Variants in DNAH17 observed in about 807,000 individuals in gnomAD.
DNAH17 encodes dynein axonemal heavy chain 17.
A neutral mutation model predicts 485.6 loss-of-function variants in DNAH17; 376 were observed. The ratio of observed to expected loss-of-function variants is 0.77; its 90% CI spans 0.71 to 0.84. The LOEUF (loss-of-function observed/expected upper bound fraction) is 0.84. Among genes scored for constraint, DNAH17 ranks in the 40% least tolerant of loss-of-function variants. The pLI is 0.00. For missense variants in DNAH17, 6,370 were observed against 5,839.3 expected (o/e 1.09, Z -2.96); for synonymous variants, 3,031 against 2,405.9 (o/e 1.26, Z -7.60).
rs551760264 is a variant in DNAH17 at position 78,466,582 on chromosome 17, A to G, written c.8940+73T>C. The G allele has an allele frequency of 5.0e-5, 71 of 1,429,054 alleles. 1 individual carries two copies. In the South Asian group the frequency reaches 8.0e-4, roughly 16 times the overall value. 88.5% of individuals were successfully genotyped at this position (1,429,054 alleles called of 1,614,324 possible). A position where few individuals can be genotyped will look rare whatever the true frequency, so the allele number is the denominator to read the frequency against. On this transcript the variant is annotated intron_variant, in intron 56 of 80. Transcript: ENST00000389840. ...CCTAATCCCAGCGCCCTTTTCTCCC[A>G]GGGAGCCAGCCCTTGGGCCTGTCCT...
chr17:78,561,660 G>A (rs886654679), intron 12 of DNAH17, 55 bp downstream of exon 12: 40 of 1,528,830 alleles, frequency 2.6e-5, no homozygotes, highest in Admixed American at 1.4e-4. Flanking sequence ...AGTCCCTCTC[G>A]CTCTCCCGCA....
At chr17:78,466,392 C>T (rs1274681191) in intron 56 of DNAH17, among the ~76,000 whole-genome samples, 2 of 151,944 alleles carry the variant, frequency 1.3e-5, no homozygotes, top group African/African-American at 4.8e-5. Context: ...GTCCTATGAC[C>T]CTGCCAAGTC....
In DNAH17 at chr17:78,539,840, G is replaced by A. The variant is rs553523568; in HGVS notation, c.2573C>T (p.Pro858Leu). ...ELFRADTLSL[P>L]WKDYVIYIDD... The stretch of plus-strand genomic sequence containing the variant: ...AATGTAGATGACATAATCCTTCCAG[G>A]GCAGGCTCAGTGTGTCTGCCCTGAA... The change falls in exon 18 of 81, where the codon CCC (proline) becomes CTC (leucine). Residue 858 changes from proline (P) to leucine (L), a missense_variant. Transcript: ENST00000389840. 6 of 1,610,542 alleles carry A rather than the reference G, an allele frequency of 3.7e-6. No homozygotes were observed. The highest frequency in any genetic ancestry group is 1.7e-5 in the Admixed American group (1 of 59,600).
rs907593613 is a variant in DNAH17 at position 78,500,478 on chromosome 17, G to A, written c.5484-17C>T. The A allele has an allele frequency of 3.9e-6, 6 of 1,551,038 alleles. No homozygotes were observed. The South Asian group carries it at 4.8e-5, about 13-fold the overall frequency. ...ATATAGCACCTGCAAGTGACCACAG[G>A]TAAGCGTGTGTGCCAGCGACCCCAT... is the stretch of plus-strand genomic sequence containing the variant. On this transcript the variant is annotated splice_polypyrimidine_tract_variant and intron_variant, in intron 35 of 80. Coordinates refer to ENST00000389840, the MANE Select transcript of DNAH17 (RefSeq NM_173628.4).
intron 70 of DNAH17, 130 bp from the exon 71 acceptor site, chr17:78,444,927 C>T (rs1404328496): frequency 6.4e-6 from 6 of 940,802 alleles, no homozygotes; most frequent in African/African-American, 5.1e-5. Flanking sequence ...GATAAGGAAG[C>T]CCGAGAGGCT....
chr17:78,501,820 G>A lies in DNAH17; in HGVS notation c.5244C>T (p.Gly1748=), dbSNP rs564212321. ...AGATGGTCATGATCTTCATCCTGTC[G>A]CCAGCGTTGAGGTTCCCCATGAGCA... ...ITLLMGNLNA[G]DRMKIMTICT... is the part of the protein sequence containing the mutation. The change falls in exon 34 of 81, where the codon GGC becomes GGT. Residue 1748 remains glycine (G), a synonymous_variant. Coordinates refer to ENST00000389840, the MANE Select transcript of DNAH17 (RefSeq NM_173628.4). 81 of 1,613,980 alleles carry A rather than the reference G, an allele frequency of 5.0e-5. No homozygotes were observed. Among genetic ancestry groups the A allele is most frequent in the East Asian group, 2.2e-4 (10 of 44,884 alleles).
At chr17:78,453,800 A>G (rs1598474839) in intron 64 of DNAH17, among the ~76,000 whole-genome samples, 2 of 152,270 alleles carry the variant, frequency 1.3e-5, no homozygotes, top group Non-Finnish European at 1.5e-5. Context: ...TGATCCTCCC[A>G]TCGCAGCCTC....
In DNAH17 at chr17:78,548,203, T is replaced by TTTTA. The variant is rs1491398415; in HGVS notation, c.2391+3331_2391+3332insTAAA. Among the ~76,000 whole-genome samples the TTTTA allele has an allele frequency of 4.0e-4, 9 of 22,498 alleles. 1 individual carries two copies. Among genetic ancestry groups the TTTTA allele is most frequent in the African/African-American group, 1.6e-3 (9 of 5,598 alleles). The allele number at this position is 22,498 out of a possible 152,430, so 14.8% of individuals were successfully genotyped here. A position where few individuals can be genotyped will look rare whatever the true frequency, so the allele number is the denominator to read the frequency against. On this transcript the variant is annotated intron_variant, in intron 16 of 80. Coordinates refer to ENST00000389840, the MANE Select transcript of DNAH17 (RefSeq NM_173628.4). ...TTGTTATTTCGTAGATGTCATGGCC[T>TTTTA]TTTTTTTTTTTTTTTTTTGGAGACA...
At position 78,526,939 on chromosome 17, in the gene DNAH17, C is replaced by A. The variant is rs780662327; in HGVS notation, c.3565G>T (p.Val1189Leu). The change falls in exon 23 of 81, where the codon GTG (valine) becomes TTG (leucine). Residue 1189 changes from valine to leucine, a missense_variant. Val to Leu is a conservative substitution (Grantham distance 32, BLOSUM62 1). Coordinates refer to ENST00000389840, the MANE Select transcript of DNAH17 (RefSeq NM_173628.4). ...KKLAIQVKLT[V>L]APLQANEVSI... ...ACCTCGTTGGCCTGGAGTGGTGCCA[C>A]GGTCAGCTTCACCTGAATGGCCAGT... The A allele has an allele frequency of 6.3e-7, 1 of 1,588,386 alleles. No homozygotes were observed.
chr17:78,428,319 A>C (rs1017764428), intron 77 of DNAH17: 9 of 642,904 alleles, frequency 1.4e-5, no homozygotes, highest in South Asian at 8.9e-5. Flanking sequence ...CCGTACGCTC[A>C]CCCGAAGCCT....
intron 17 of DNAH17, among the ~76,000 whole-genome samples, chr17:78,541,587 T>C (rs997539842): frequency 1.3e-5 from 2 of 151,970 alleles, no homozygotes; most frequent in Non-Finnish European, 2.9e-5. Flanking sequence ...AGAGTAGCCA[T>C]ACGTGGTGAC....
At chr17:78,501,368 G>A in intron 34 of DNAH17, 24 bp from the exon 35 acceptor site, 1 of 1,572,448 alleles carries the variant, frequency 6.4e-7, no homozygotes, top group Non-Finnish European at 8.7e-7. Context: ...CGGAGCTCTT[G>A]TTGCCAGGTG....
rs1430997384 is a variant in DNAH17 at position 78,532,518 on chromosome 17, G to A, written c.3078C>T (p.Pro1026=). 5.6e-6 allele frequency: 9 copies of A among 1,610,974 alleles called. No individual in the cohort carries two copies. Among genetic ancestry groups the A allele is most frequent in the African/African-American group, 1.3e-5 (1 of 74,870 alleles). ...ACTGAGCCAGGGTGGGCGGTGTCTT[G>A]GGGATGGTGTCATCTGTCCAGGTGT... ...DLDTWTDDTI[P]KTPPTLAQFQ... Residue 1026 remains proline (P), a synonymous_variant, in exon 20 of 81, where the codon CCC becomes CCT. Coordinates refer to ENST00000389840, the MANE Select transcript of DNAH17 (RefSeq NM_173628.4).
intron 13 of DNAH17, among the ~76,000 whole-genome samples, chr17:78,559,868 C>T (rs759850148): frequency 1.3e-5 from 2 of 152,134 alleles, no homozygotes; most frequent in Admixed American, 6.5e-5. Context: ...GGCTCTCGGG[C>T]GCCACCTGGC....
At chr17:78,458,859 C>T in intron 61 of DNAH17, 142 bp downstream of exon 61, 1 of 1,087,386 alleles carries the variant, frequency 9.2e-7, no homozygotes, top group South Asian at 1.4e-5. Flanking sequence ...CATCTGGCCC[C>T]TGCCTCTGCC....
chr17:78,495,252 G>A (rs1366903969), intron 38 of DNAH17, among the ~76,000 whole-genome samples, 155 bp from the exon 39 acceptor site: 3 of 152,036 alleles, frequency 2.0e-5, no homozygotes, highest in East Asian at 1.9e-4. Flanking sequence ...CTCCCAGCCC[G>A]CCTGCTCCCT....
chr17:78,444,559 G>T (rs1488424530), intron 71 of DNAH17, 45 bp downstream of exon 71: 2 of 1,511,086 alleles, frequency 1.3e-6, no homozygotes, highest in Non-Finnish European at 1.8e-6. Flanking sequence ...CTTCCATCAG[G>T]CCTGGGCCTC....
rs60587420 is a variant in DNAH17 at position 78,553,283 on chromosome 17, G to GTTTTTTTTTTTTTTTTTTT, written c.2179-497_2179-479dup. On this transcript the variant is annotated intron_variant, in intron 14 of 80. Coordinates refer to ENST00000389840, the MANE Select transcript of DNAH17 (RefSeq NM_173628.4). ...AAATTACCCAGTCCCAGGTTTTTGTGTTTTTTTTTTTTTTTTTTTTTTTTT... is the reference window on the plus strand; with the variant it reads ...AAATTACCCAGTCCCAGGTTTTTGTGTTTTTTTTTTTTTTTTTTTTTTTTTTTTTTTTTTTTTTTTTTTT... 6.1e-4 allele frequency among the ~76,000 whole-genome samples: 31 copies of GTTTTTTTTTTTTTTTTTTT among 51,032 alleles called. 5 individuals are homozygous for GTTTTTTTTTTTTTTTTTTT. Among genetic ancestry groups the GTTTTTTTTTTTTTTTTTTT allele is most frequent in the Admixed American group, 8.0e-4 (3 of 3,742 alleles). The allele number at this position is 51,032 out of a possible 152,430, so 33.5% of individuals were successfully genotyped here.
Position 78,485,538 on chromosome 17 carries a change from G to A in DNAH17, c.7483+12C>T, listed in dbSNP as rs1311928882. 7.6e-6 allele frequency: 12 copies of A among 1,586,646 alleles called. No individual in the cohort carries two copies. The highest frequency in any genetic ancestry group is 1.0e-5 in the Non-Finnish European group (12 of 1,167,750). On this transcript the variant is annotated intron_variant, in intron 47 of 80. Coordinates refer to ENST00000389840, the MANE Select transcript of DNAH17 (RefSeq NM_173628.4). Reference sequence around the variant, plus strand: ...CAGCCGGGTAGGCAGGGCGTGGCCGGACCAGCCTCACCCTGCAGCATGGCT... The same window carrying A: ...CAGCCGGGTAGGCAGGGCGTGGCCGAACCAGCCTCACCCTGCAGCATGGCT...
Sources: allele counts gnomAD v4.1 joint callset (sites outside exome capture counted in the v4.1 genomes callset), GRCh38; gene constraint gnomAD v4.1.1; transcripts MANE v1.5; gene names NCBI Gene and HGNC (gene_info 2026-07-23, HGNC 2026-07-21).